CAMK2G: variants seen among roughly 807,000 people sequenced by gnomAD.
CAMK2G encodes the protein calcium/calmodulin-dependent protein kinase type II subunit gamma.
CAMK2G carries 23 observed loss-of-function variants against 88.7 expected under a neutral mutation model. The observed-to-expected ratio is 0.26, with a 90% CI of 0.19 to 0.37. CAMK2G has a LOEUF of 0.37. Among genes scored for constraint, CAMK2G ranks in the 10% least tolerant of loss-of-function variants. The pLI, the probability that CAMK2G is intolerant of heterozygous loss-of-function variation, is 1.00. For synonymous variants in CAMK2G, 263 were observed against 294.8 expected (o/e 0.89, Z 1.11); for missense variants, 476 against 780.8 (o/e 0.61, Z 4.65).
At chr10:73,819,894 C>T (rs947131252) in intron 18 of CAMK2G, among the ~76,000 whole-genome samples, 1 of 152,180 alleles carries the variant, frequency 6.6e-6, no homozygotes, top group Non-Finnish European at 1.5e-5. Flanking sequence ...CCAGACGAGC[C>T]TTACAACAGC....
intron 13 of CAMK2G, 62 bp from the exon 14 acceptor site, chr10:73,837,573 C>T (rs982274283): frequency 1.5e-5 from 20 of 1,336,104 alleles, no homozygotes; most frequent in South Asian, 9.4e-5. Context: ...ACCTGAAGTC[C>T]GGCAGCCAGA....
In CAMK2G at chr10:73,817,128, A is replaced by T; in HGVS notation, c.1440-11T>A. On this transcript the variant is annotated splice_polypyrimidine_tract_variant and intron_variant, in intron 20 of 22. Coordinates refer to ENST00000423381, the MANE Select transcript of CAMK2G (RefSeq NM_001367534.1). ...GGATCACAAATCTTCCTACAGGGAG[A>T]AAAAAAAAAGCAGCCTATCAGGCTT... is the stretch of plus-strand genomic sequence containing the variant. 1.4e-6 allele frequency: 2 copies of T among 1,434,228 alleles called. No individual in the cohort carries two copies. The highest frequency in any genetic ancestry group is 1.9e-6 in the Non-Finnish European group (2 of 1,056,438). 88.8% of individuals were successfully genotyped at this position (1,434,228 alleles called of 1,614,324 possible).
intron 10 of CAMK2G, among the ~76,000 whole-genome samples, chr10:73,845,971 A>G (rs990228819): frequency 2.1e-5 from 3 of 143,994 alleles, no homozygotes; most frequent in Non-Finnish European, 4.5e-5. Flanking sequence ...TACAATGACT[A>G]TTCACAGGTG....
chr10:73,874,346 A>T (rs773112888), intron 1 of CAMK2G, 51 bp downstream of exon 1: 2 of 1,306,024 alleles, frequency 1.5e-6, no homozygotes, highest in Non-Finnish European at 2.0e-6. Flanking sequence ...GAGAAGCCGC[A>T]TAGCTCCCGG....
Position 73,848,358 on chromosome 10 carries a change from G to A in CAMK2G, c.601+168C>T, listed in dbSNP as rs560676487. Among the ~76,000 whole-genome samples the A allele has an allele frequency of 7.2e-5, 11 of 152,328 alleles. No individual in the cohort carries two copies. Among genetic ancestry groups the A allele is most frequent in the Admixed American group, 1.3e-4 (2 of 15,306 alleles). ...GGATACAATGTCATCCCAGAAGTAC[G>A]CAGGGAGGAGGGTGTGATGGGAACA... On this transcript the variant is annotated intron_variant, in intron 8 of 22. Transcript: ENST00000423381. The surrounding 1 kb of genome is among the most constrained non-coding windows in gnomAD (Gnocchi z 4.5).
intron 21 of CAMK2G, chr10:73,815,770 C>T: frequency 1.0e-6 from 1 of 982,818 alleles, no homozygotes; most frequent in South Asian, 4.7e-5. Context: ...TTTAAGGCAC[C>T]AAAGCTGAAA....
chr10:73,829,046 A>G (rs1305093755), intron 14 of CAMK2G, among the ~76,000 whole-genome samples: 1 of 152,212 alleles, frequency 6.6e-6, no homozygotes, highest in Non-Finnish European at 1.5e-5. Flanking sequence ...TTGCACATTC[A>G]TTTAACAATG....
rs118094748 is a variant in CAMK2G at position 73,848,225 on chromosome 10, C to T, written c.602-143G>A. On this transcript the variant is annotated intron_variant, in intron 8 of 22. Transcript: ENST00000423381. This position sits in a 1 kb window ranked among gnomAD's most constrained non-coding sequence, Gnocchi z 4.5. ...GTGGATGCCAGCCGATAATGCTATG[C>T]TACCAGCCCCTCCTGCTATGCCTCA... is the stretch of plus-strand genomic sequence containing the variant. 1.4e-3 allele frequency: 927 copies of T among 657,164 alleles called. 12 individuals carry two copies. In the East Asian group the frequency reaches 0.023, roughly 16 times the overall value. The allele number at this position is 657,164 out of a possible 1,614,324, so 40.7% of individuals were successfully genotyped here. A position where few individuals can be genotyped will look rare whatever the true frequency, so the allele number is the denominator to read the frequency against.
At chr10:73,869,142 T>C (rs573641906) in intron 2 of CAMK2G, among the ~76,000 whole-genome samples, 2 of 152,366 alleles carry the variant, frequency 1.3e-5, no homozygotes, top group East Asian at 1.9e-4. Flanking sequence ...ATGCCTCACC[T>C]GCATGAAATT....
At chr10:73,866,331 C>G (rs535655520) in intron 2 of CAMK2G, among the ~76,000 whole-genome samples, 2 of 152,276 alleles carry the variant, frequency 1.3e-5, no homozygotes, top group Non-Finnish European at 2.9e-5. Context: ...ACCACCTCCC[C>G]CTCTGGCCTG....
intron 17 of CAMK2G, 130 bp from the exon 18 acceptor site, chr10:73,821,860 C>T (rs905198686): frequency 6.8e-6 from 5 of 732,740 alleles, no homozygotes; most frequent in South Asian, 1.6e-5. Flanking sequence ...TCTGCTTCCA[C>T]CCTGGCTGTC....
chr10:73,847,391 T>A, intron 9 of CAMK2G, 44 bp from the exon 10 acceptor site: 1 of 1,605,770 alleles, frequency 6.2e-7, no homozygotes, highest in Non-Finnish European at 8.5e-7. Flanking sequence ...TTGGTGAGCT[T>A]CATACCCTGC....
Position 73,831,410 on chromosome 10 carries a change from C to T in CAMK2G, c.1054-3289G>A, listed in dbSNP as rs189142073. On this transcript the variant is annotated intron_variant, in intron 14 of 22. Coordinates refer to ENST00000423381, the MANE Select transcript of CAMK2G (RefSeq NM_001367534.1). ...AAAATTAGCTGGGTGTGGTGGCACGCGCCTGTAGTCCCAGCTACTTGGGAG... is the reference window on the plus strand; with the variant it reads ...AAAATTAGCTGGGTGTGGTGGCACGTGCCTGTAGTCCCAGCTACTTGGGAG... Among the ~76,000 whole-genome samples, 1,030 of 150,888 alleles carry T rather than the reference C, an allele frequency of 6.8e-3. 5 individuals are homozygous for T. The highest frequency in any genetic ancestry group is 0.01 in the Middle Eastern group (3 of 292).
Position 73,852,283 on chromosome 10 carries a change from G to C in CAMK2G, c.312C>G (p.Ala104=). The C allele has an allele frequency of 1.2e-6, 2 of 1,613,968 alleles. No individual in the cohort carries two copies. ...TGGELFEDIV[A]REYYSEADAS... is the part of the protein sequence containing the mutation. ...CATCTGCTTCACTGTAGTACTCTCTGGCCACAATGTCTTCAAACAGCTCCC... is the reference window on the plus strand; with the variant it reads ...CATCTGCTTCACTGTAGTACTCTCTCGCCACAATGTCTTCAAACAGCTCCC... The change falls in exon 5 of 23, where the codon GCC becomes GCG. Residue 104 remains alanine (A), a synonymous_variant. Transcript: ENST00000423381.
intron 4 of CAMK2G, chr10:73,852,536 T>G: frequency 1.8e-6 from 1 of 553,840 alleles, no homozygotes; most frequent in Admixed American, 3.2e-5. Context: ...GGACATTTCT[T>G]TTTCCAAAAT....
chr10:73,851,760 G>T (rs1373938402), intron 5 of CAMK2G, among the ~76,000 whole-genome samples: 1 of 137,776 alleles, frequency 7.3e-6, no homozygotes, highest in African/African-American at 2.6e-5. Flanking sequence ...TGGGGGGGGG[G>T]AGGGGGACAT....
At chr10:73,845,783 C>A (rs1429096947) in intron 10 of CAMK2G, among the ~76,000 whole-genome samples, 3 of 152,080 alleles carry the variant, frequency 2.0e-5, no homozygotes, top group African/African-American at 7.2e-5. Context: ...ACTGCACATT[C>A]CCCCATCCTT....
At chr10:73,862,563 G>A (rs980570023) in intron 2 of CAMK2G, among the ~76,000 whole-genome samples, 2 of 152,170 alleles carry the variant, frequency 1.3e-5, no homozygotes, top group Non-Finnish European at 2.9e-5. Flanking sequence ...GTGAAGTAGG[G>A]ATCTGATTAG....
chr10:73,842,077 C>T lies in CAMK2G; in HGVS notation c.946+92G>A. On this transcript the variant is annotated intron_variant, in intron 12 of 22. Transcript: ENST00000423381. This position sits in a 1 kb window ranked among gnomAD's most constrained non-coding sequence, Gnocchi z 4.6. Reference sequence around the variant, plus strand: ...CCTGGTCAAGGTGTGGCCCAGGACGCCGAGGAAACCCAGCGGTGCCCGGGA... The same window carrying T: ...CCTGGTCAAGGTGTGGCCCAGGACGTCGAGGAAACCCAGCGGTGCCCGGGA... 2.0e-6 allele frequency: 2 copies of T among 1,005,122 alleles called. No homozygotes were observed. Among genetic ancestry groups the T allele is most frequent in the Non-Finnish European group, 3.2e-6 (2 of 625,430 alleles). 62.3% of individuals were successfully genotyped at this position (1,005,122 alleles called of 1,614,324 possible). A position where few individuals can be genotyped will look rare whatever the true frequency, so the allele number is the denominator to read the frequency against.
Sources: gnomAD v4.1 joint callset for allele counts (sites outside exome capture counted in the v4.1 genomes callset) on GRCh38, gnomAD v4.1.1 for gene constraint, Gnocchi (gnomAD v3.1) non-coding constraint, MANE v1.5 for transcripts, NCBI Gene and HGNC (gene_info 2026-07-23, HGNC 2026-07-21) for gene names.